Variants in CACNB3 observed in about 807,000 individuals in gnomAD.
CACNB3 encodes calcium voltage-gated channel auxiliary subunit beta 3.
Under a neutral mutation model 63.7 loss-of-function variants are expected in CACNB3, and 36 were observed. That is an observed-to-expected ratio of 0.57 (90% CI 0.43 to 0.75). The LOEUF (loss-of-function observed/expected upper bound fraction) is 0.75, where lower values mean the gene tolerates loss of function less well. Among genes scored for constraint, CACNB3 ranks in the 30% least tolerant of loss-of-function variants. The probability of loss-of-function intolerance (pLI) is 0.00; values close to 1 mark genes in which losing one functional copy is unlikely to be tolerated. For missense variants in CACNB3, 493 were observed against 648.6 expected, an observed-to-expected ratio of 0.76 and a Z score of 2.61; for synonymous variants, 241 against 250.6, an observed-to-expected ratio of 0.96 and a Z score of 0.36.
chr12:48,814,531 C>G, upstream of CACNB3: 1 of 1,528,370 alleles, frequency 6.5e-7, no homozygotes, highest in Non-Finnish European at 8.7e-7. This position sits in a 1 kb window ranked among gnomAD's most constrained non-coding sequence, Gnocchi z 6.9. Context: ...TTAGCTGGGG[C>G]GCCCCTCGAG....
At position 48,827,035 on chromosome 12, in the gene CACNB3, A is replaced by C; in HGVS notation, c.1052A>C (p.Glu351Ala). ...GAGGATGCCTGTGAGCACCTGGCTGAGTACCTGGAGGTTTACTGGCGGGCC... is the reference window on the plus strand; with the variant it reads ...GAGGATGCCTGTGAGCACCTGGCTGCGTACCTGGAGGTTTACTGGCGGGCC... Reference protein sequence around the residue: ...QLEDACEHLAEYLEVYWRATH... With the variant: ...QLEDACEHLAAYLEVYWRATH... Residue 351 changes from glutamate (E) to alanine (A), a missense_variant, in exon 12 of 13, where the codon GAG becomes GCG. Glu to Ala is a moderately radical substitution (Grantham distance 107, BLOSUM62 -1). Transcript: ENST00000301050. The C allele has an allele frequency of 1.2e-6, 2 of 1,614,092 alleles. No homozygotes were observed. The highest frequency in any genetic ancestry group is 1.7e-6 in the Non-Finnish European group (2 of 1,180,020).
rs1937942071 is a variant in CACNB3 at position 48,823,115 on chromosome 12, G to C, written c.46-229G>C. On this transcript the variant is annotated intron_variant, in intron 1 of 12. Coordinates refer to ENST00000301050, the MANE Select transcript of CACNB3 (RefSeq NM_000725.4). This position sits in a 1 kb window ranked among gnomAD's most constrained non-coding sequence, Gnocchi z 4.2. ...TCAAAGCTGCAGTATTAATAGGCTT[G>C]GGGGAGGAGGGGCCCAGATCTTTGC... Among the ~76,000 whole-genome samples, 1 of 152,200 alleles carries C rather than the reference G, an allele frequency of 6.6e-6. No homozygotes were observed. The highest frequency in any genetic ancestry group is 6.5e-5 in the Admixed American group (1 of 15,280).
chr12:48,818,684 T>G lies in CACNB3; in HGVS notation c.-246T>G. The G allele has an allele frequency of 8.6e-7, 1 of 1,161,560 alleles. No homozygotes were observed. The highest frequency in any genetic ancestry group is 1.1e-6 in the Non-Finnish European group (1 of 948,564). 72.0% of individuals were successfully genotyped at this position (1,161,560 alleles called of 1,614,324 possible). ...ATTGTTGTAGGAGCCGGCGCCAGAT[T>G]CCTCAGCCGCGCTCGGGGTGGGACC... On this transcript the variant is annotated 5_prime_UTR_variant, in exon 1 of 13. It adds an upstream start codon to the 5' untranslated region. Coordinates refer to ENST00000301050, the MANE Select transcript of CACNB3 (RefSeq NM_000725.4). This position sits in a 1 kb window ranked among gnomAD's most constrained non-coding sequence, Gnocchi z 4.3.
At position 48,828,232 on chromosome 12, in the gene CACNB3, C is replaced by T. The variant is rs1938254647; in HGVS notation, c.*333C>T. 2 of 394,044 alleles carry T rather than the reference C, an allele frequency of 5.1e-6. No homozygotes were observed. The highest frequency in any genetic ancestry group is 4.0e-5 in the African/African-American group (2 of 49,452). 24.4% of individuals were successfully genotyped at this position (394,044 alleles called of 1,614,324 possible). On this transcript the variant is annotated 3_prime_UTR_variant, in exon 13 of 13. Coordinates refer to ENST00000301050, the MANE Select transcript of CACNB3 (RefSeq NM_000725.4). ...GATCCCCTTAGCAGGGTCCTTCCCA[C>T]CAGACTCAGGGAAGGGATGCCCCAT...
In CACNB3 at chr12:48,828,739, T is replaced by G. The variant is rs770773800; in HGVS notation, c.*840T>G. ...TTTCTGTTCTTGTCCCTCATACATCTTTGGAGAACCGGGCTCCAGACTTTG... is the reference window on the plus strand; with the variant it reads ...TTTCTGTTCTTGTCCCTCATACATCGTTGGAGAACCGGGCTCCAGACTTTG... On this transcript the variant is annotated 3_prime_UTR_variant, in exon 13 of 13. Transcript: ENST00000301050. 6 of 456,364 alleles carry G rather than the reference T, an allele frequency of 1.3e-5. No individual in the cohort carries two copies. The highest frequency in any genetic ancestry group is 2.6e-5 in the Non-Finnish European group (6 of 226,778). 28.3% of individuals were successfully genotyped at this position (456,364 alleles called of 1,614,324 possible).
rs1937968667 is a variant in CACNB3, at chr12:48,823,598, A to ACGGCCTT, written c.169-81_169-75dup. 1 of 1,602,946 alleles carries ACGGCCTT rather than the reference A, an allele frequency of 6.2e-7. No homozygotes were observed. The highest frequency in any genetic ancestry group is 1.3e-5 in the African/African-American group (1 of 74,778). ...AGGGTGTGTGTGATGGGCAGAGGCCACGGCCTTCTGCTGTTGGGGCACTGA... is the reference window on the plus strand; with the variant it reads ...AGGGTGTGTGTGATGGGCAGAGGCCACGGCCTTCGGCCTTCTGCTGTTGGGGCACTGA... On this transcript the variant is annotated intron_variant, in intron 2 of 12. Coordinates refer to ENST00000301050, the MANE Select transcript of CACNB3 (RefSeq NM_000725.4). This position sits in a 1 kb window ranked among gnomAD's most constrained non-coding sequence, Gnocchi z 4.2.
intron 5 of CACNB3, 27 bp downstream of exon 5, chr12:48,824,760 T>A (rs1446869918): frequency 6.2e-7 from 1 of 1,604,600 alleles, no homozygotes; most frequent in Admixed American, 1.7e-5. Flanking sequence ...CCACCCATTT[T>A]GGGTAGGTGG....
chr12:48,816,604 C>T (rs1019495175), upstream of CACNB3, among the ~76,000 whole-genome samples: 1 of 152,186 alleles, frequency 6.6e-6, no homozygotes, highest in Non-Finnish European at 1.5e-5. Flanking sequence ...ACTGCAGGAC[C>T]CAGGGGATGG....
At chr12:48,815,298 G>C, upstream of CACNB3, 1 of 284,970 alleles carries the variant, frequency 3.5e-6, no homozygotes, top group Non-Finnish European at 6.9e-6. Context: ...ACTCTTTCTC[G>C]GGAGGACTTT....
chr12:48,823,538 A>G lies in CACNB3; in HGVS notation c.168+72A>G, dbSNP rs1269645110. ...AAACCTGCACTCGGTCCTAAGTCCC[A>G]AGGGGTCCTTGGGCAGGATGTCCTT... is the stretch of plus-strand genomic sequence containing the variant. On this transcript the variant is annotated intron_variant, in intron 2 of 12. Coordinates refer to ENST00000301050, the MANE Select transcript of CACNB3 (RefSeq NM_000725.4). The surrounding 1 kb of genome is among the most constrained non-coding windows in gnomAD (Gnocchi z 4.2). 6.3e-7 allele frequency: 1 copy of G among 1,598,330 alleles called. No homozygotes were observed. The highest frequency in any genetic ancestry group is 1.3e-5 in the African/African-American group (1 of 74,640).
Position 48,826,169 on chromosome 12 carries a change from C to G in CACNB3, c.743-198C>G. ...CTTCCTTACCTCCTTGTCTTTCTGC[C>G]CAACTCCTCTACCTGCCCCCAGGAT... On this transcript the variant is annotated intron_variant, in intron 9 of 12. Coordinates refer to ENST00000301050, the MANE Select transcript of CACNB3 (RefSeq NM_000725.4). The surrounding 1 kb of genome is among the most constrained non-coding windows in gnomAD (Gnocchi z 4.8). 3.3e-6 allele frequency: 2 copies of G among 603,488 alleles called. No individual in the cohort carries two copies. The highest frequency in any genetic ancestry group is 5.9e-6 in the Non-Finnish European group (2 of 340,836). The allele number at this position is 603,488 out of a possible 1,614,324, so 37.4% of individuals were successfully genotyped here. A position where few individuals can be genotyped will look rare whatever the true frequency, so the allele number is the denominator to read the frequency against.
rs773169224 is a variant in CACNB3, at chr12:48,827,051, C to T, written c.1068C>T (p.Tyr356=). 3 of 1,613,832 alleles carry T rather than the reference C, an allele frequency of 1.9e-6. No homozygotes were observed. Among genetic ancestry groups the T allele is most frequent in the Non-Finnish European group, 1.7e-6 (2 of 1,180,026 alleles). ...ACCTGGCTGAGTACCTGGAGGTTTA[C>T]TGGCGGGCCACGCACCACCCAGCCC... is the stretch of plus-strand genomic sequence containing the variant. ...CEHLAEYLEV[Y]WRATHHPAPG... Residue 356 remains tyrosine, a synonymous_variant, in exon 12 of 13, where the codon TAC becomes TAT. Transcript: ENST00000301050.
chr12:48,818,367 CT>C, upstream of CACNB3: 1 of 811,068 alleles, frequency 1.2e-6, no homozygotes, highest in South Asian at 5.5e-5. The surrounding 1 kb of genome is among the most constrained non-coding windows in gnomAD (Gnocchi z 4.3). Flanking sequence ...TCAGCGCCCC[CT>C]CCCTCCCCCG....
In CACNB3 at chr12:48,828,478, G is replaced by C; in HGVS notation, c.*579G>C. The C allele has an allele frequency of 2.8e-6, 1 of 351,136 alleles. No individual in the cohort carries two copies. The highest frequency in any genetic ancestry group is 5.6e-6 in the Non-Finnish European group (1 of 177,094). The allele number at this position is 351,136 out of a possible 1,614,324, so 21.8% of individuals were successfully genotyped here. ...GCCACATCCAAGACTGGAGCAGCAG[G>C]CTGGCCACGCTCGGGCCAGAGAGAG... On this transcript the variant is annotated 3_prime_UTR_variant, in exon 13 of 13. Transcript: ENST00000301050.
Position 48,825,257 on chromosome 12 carries a change from C to G in CACNB3, c.573+14C>G. ...AAAGGTTATGAGGTGAGAGGAGGTCCTTGACCCCAAAGAGTCACCTCTACC... is the reference window on the plus strand; with the variant it reads ...AAAGGTTATGAGGTGAGAGGAGGTCGTTGACCCCAAAGAGTCACCTCTACC... On this transcript the variant is annotated intron_variant, in intron 7 of 12. Coordinates refer to ENST00000301050, the MANE Select transcript of CACNB3 (RefSeq NM_000725.4). This position sits in a 1 kb window ranked among gnomAD's most constrained non-coding sequence, Gnocchi z 4.5. The G allele has an allele frequency of 6.2e-7, 1 of 1,612,136 alleles. No homozygotes were observed. The highest frequency in any genetic ancestry group is 8.5e-7 in the Non-Finnish European group (1 of 1,178,562).
At chr12:48,815,363 T>C (rs1942259712), upstream of CACNB3, 1 of 390,274 alleles carries the variant, frequency 2.6e-6, no homozygotes, top group South Asian at 2.9e-5. Flanking sequence ...GACGTGGGGA[T>C]GGAAGGACAG....
At position 48,823,580 on chromosome 12, in the gene CACNB3, G is replaced by A; in HGVS notation, c.169-101G>A. 3 of 1,601,450 alleles carry A rather than the reference G, an allele frequency of 1.9e-6. No individual in the cohort carries two copies. Among genetic ancestry groups the A allele is most frequent in the Non-Finnish European group, 2.6e-6 (3 of 1,172,920 alleles). The stretch of plus-strand genomic sequence containing the variant: ...GATGTCCTTGAGTGTGAGAGGGTGT[G>A]TGTGATGGGCAGAGGCCACGGCCTT... On this transcript the variant is annotated intron_variant, in intron 2 of 12. Transcript: ENST00000301050. The surrounding 1 kb of genome is among the most constrained non-coding windows in gnomAD (Gnocchi z 4.2).
At chr12:48,815,407 TAGAC>T (rs755834415), upstream of CACNB3, 19 of 600,902 alleles carry the variant, frequency 3.2e-5, no homozygotes, top group Non-Finnish European at 4.7e-5. Flanking sequence ...ACGAGGACCT[TAGAC>T]AGGAGAGACG....
At chr12:48,816,971 G>T, upstream of CACNB3, 1 of 985,520 alleles carries the variant, frequency 1.0e-6, no homozygotes. Context: ...GAAAGAGGGG[G>T]ATACAAGGAA....
Sources: gnomAD v4.1 joint callset for allele counts (sites outside exome capture counted in the v4.1 genomes callset) on GRCh38, gnomAD v4.1.1 for gene constraint, Gnocchi (gnomAD v3.1) non-coding constraint, MANE v1.5 for transcripts, NCBI Gene and HGNC (gene_info 2026-07-23, HGNC 2026-07-21) for gene names.